Variants in SH2D4A observed in about 807,000 individuals in gnomAD.
The protein encoded by SH2D4A is SH2 domain-containing protein 4A.
A neutral mutation model predicts 64.7 loss-of-function variants in SH2D4A; 70 were observed. The ratio of observed to expected loss-of-function variants is 1.08; its 90% CI spans 0.89 to 1.32. The LOEUF (loss-of-function observed/expected upper bound fraction) is 1.32, where lower values mean the gene tolerates loss of function less well. Among genes scored for constraint, SH2D4A ranks in the 40% most tolerant of loss-of-function variants. The probability of loss-of-function intolerance (pLI) is 0.00; values close to 1 mark genes in which losing one functional copy is unlikely to be tolerated. For missense variants in SH2D4A, 706 were observed against 540.1 expected (o/e 1.31, Z -3.04); for synonymous variants, 268 against 200.7 (o/e 1.34, Z -2.83).
rs1177891326 is a variant in SH2D4A, at chr8:19,393,664, C to T, written c.1272+123C>T. 13 of 855,226 alleles carry T rather than the reference C, an allele frequency of 1.5e-5. No homozygotes were observed. The East Asian group carries it at 3.5e-4, about 23-fold the overall frequency. 53.0% of individuals were successfully genotyped at this position (855,226 alleles called of 1,614,324 possible). On this transcript the variant is annotated intron_variant, in intron 9 of 9. Coordinates refer to ENST00000265807, the MANE Select transcript of SH2D4A (RefSeq NM_022071.4). The stretch of plus-strand genomic sequence containing the variant: ...ACTGGGGAGGGGACAGGGGTGGGGG[C>T]TTGTCTTTGATAATTCTTCCTGATA...
chr8:19,318,841 G>A (rs2052134109), intron 1 of SH2D4A, among the ~76,000 whole-genome samples: 2 of 152,152 alleles, frequency 1.3e-5, no homozygotes, highest in South Asian at 4.1e-4. Flanking sequence ...TGGTGGTCTA[G>A]TTTTTATTTC....
intron 1 of SH2D4A, 28 bp downstream of exon 1, chr8:19,313,851 T>G: frequency 2.7e-6 from 4 of 1,457,770 alleles, no homozygotes; most frequent in Non-Finnish European, 2.7e-6. Flanking sequence ...GGCGAGGCTT[T>G]GGGGAGAGTG....
chr8:19,336,437 G>T (rs889254492), intron 4 of SH2D4A, among the ~76,000 whole-genome samples: 2 of 151,962 alleles, frequency 1.3e-5, no homozygotes, highest in East Asian at 1.9e-4. Flanking sequence ...GAGGCCTCCC[G>T]TCCTCCCCAG....
intron 4 of SH2D4A, among the ~76,000 whole-genome samples, chr8:19,339,267 C>T (rs2052489830): frequency 6.6e-6 from 1 of 152,138 alleles, no homozygotes. Flanking sequence ...TGGTGCCCAC[C>T]CAGATTGAGG....
At chr8:19,394,142 G>T (rs1413880511) in intron 9 of SH2D4A, among the ~76,000 whole-genome samples, 64 of 152,136 alleles carry the variant, frequency 4.2e-4, no homozygotes, top group Non-Finnish European at 1.3e-4. Flanking sequence ...AATAAGGTTT[G>T]TGTTCCTATG....
At chr8:19,371,863 G>C (rs1034811467) in intron 7 of SH2D4A, among the ~76,000 whole-genome samples, 2 of 151,600 alleles carry the variant, frequency 1.3e-5, no homozygotes, top group Non-Finnish European at 2.9e-5. Flanking sequence ...TGCATTTTTC[G>C]GCTCCAGGAT....
intron 7 of SH2D4A, among the ~76,000 whole-genome samples, chr8:19,370,806 T>G (rs570705466): frequency 3.2e-4 from 48 of 152,248 alleles, no homozygotes; most frequent in African/African-American, 1.2e-3. Context: ...TGTAGATCCT[T>G]TCTTCTCTTA....
chr8:19,351,373 G>GAT (rs2052701638), intron 4 of SH2D4A, among the ~76,000 whole-genome samples: 1 of 152,150 alleles, frequency 6.6e-6, no homozygotes, highest in Non-Finnish European at 1.5e-5. Context: ...GGAGGCCGAG[G>GAT]CGGGTGGATC....
At chr8:19,354,919 C>T (rs914477082) in intron 4 of SH2D4A, among the ~76,000 whole-genome samples, 16 of 152,294 alleles carry the variant, frequency 1.1e-4, no homozygotes, top group East Asian at 5.8e-4. Flanking sequence ...AAATGTGCTG[C>T]GGACAAAACC....
rs546026183 is a variant in SH2D4A, at chr8:19,394,657, G to C, written c.*15G>C. Reference sequence around the variant, plus strand: ...TGTTTGAGTGACAGCCTCCATCAGGGTCATCCTACAGCCTCCAAGCGGGCT... The same window carrying C: ...TGTTTGAGTGACAGCCTCCATCAGGCTCATCCTACAGCCTCCAAGCGGGCT... On this transcript the variant is annotated 3_prime_UTR_variant, in exon 10 of 10. Coordinates refer to ENST00000265807, the MANE Select transcript of SH2D4A (RefSeq NM_022071.4). The C allele has an allele frequency of 3.1e-6, 5 of 1,592,700 alleles. No individual in the cohort carries two copies. Among genetic ancestry groups the C allele is most frequent in the Non-Finnish European group, 4.3e-6 (5 of 1,166,502 alleles).
At chr8:19,394,079 A>C (rs986337832) in intron 9 of SH2D4A, among the ~76,000 whole-genome samples, 1 of 152,198 alleles carries the variant, frequency 6.6e-6, no homozygotes, top group Admixed American at 6.5e-5. Flanking sequence ...ATCATCAGGC[A>C]TTAGATTTTC....
intron 3 of SH2D4A, among the ~76,000 whole-genome samples, chr8:19,334,004 T>C (rs1456041887): frequency 6.6e-6 from 1 of 152,170 alleles, no homozygotes; most frequent in Non-Finnish European, 1.5e-5. Context: ...GTGAGGTTTT[T>C]CAATAGGGAA....
At chr8:19,329,995 A>G (rs2052345107) in intron 2 of SH2D4A, among the ~76,000 whole-genome samples, 1 of 152,220 alleles carries the variant, frequency 6.6e-6, no homozygotes, top group South Asian at 2.1e-4. Flanking sequence ...ATGAAAATTC[A>G]TTAAATGCAT....
At chr8:19,350,867 C>G (rs1034913384) in intron 4 of SH2D4A, among the ~76,000 whole-genome samples, 3 of 152,174 alleles carry the variant, frequency 2.0e-5, no homozygotes, top group African/African-American at 7.2e-5. Flanking sequence ...TCAGTAGTCT[C>G]TGTGCGTGGA....
chr8:19,368,789 T>C (rs537289870), intron 7 of SH2D4A, among the ~76,000 whole-genome samples: 94 of 152,262 alleles, frequency 6.2e-4, no homozygotes, highest in Non-Finnish European at 1.1e-3. Context: ...AACAGACAAT[T>C]TGAGTTCCTC....
intron 8 of SH2D4A, among the ~76,000 whole-genome samples, chr8:19,391,252 C>T (rs2053487782): frequency 6.6e-6 from 1 of 152,086 alleles, no homozygotes; most frequent in Admixed American, 6.6e-5. Flanking sequence ...ACCAGGTATG[C>T]TTAGGAAGGG....
intron 4 of SH2D4A, among the ~76,000 whole-genome samples, chr8:19,335,677 T>C (rs2052434674): frequency 6.6e-6 from 1 of 152,222 alleles, no homozygotes; most frequent in Non-Finnish European, 1.5e-5. Flanking sequence ...AGTCTTAGCC[T>C]TTTTGTTGCG....
Position 19,333,122 on chromosome 8 carries a change from A to G in SH2D4A, c.341+8A>G, listed in dbSNP as rs747983970. ...GGAGGCAGAAGAGCCCAGGTATGAGATCTGCAAACCAACCAGAGACTTAAA... is the reference window on the plus strand; with the variant it reads ...GGAGGCAGAAGAGCCCAGGTATGAGGTCTGCAAACCAACCAGAGACTTAAA... On this transcript the variant is annotated splice_region_variant and intron_variant, in intron 3 of 9. Transcript: ENST00000265807. 1.2e-6 allele frequency: 2 copies of G among 1,603,178 alleles called. No individual in the cohort carries two copies. The highest frequency in any genetic ancestry group is 1.1e-5 in the South Asian group (1 of 88,462).
intron 3 of SH2D4A, among the ~76,000 whole-genome samples, chr8:19,333,496 G>A (rs193093642): frequency 1.3e-5 from 2 of 152,208 alleles, no homozygotes; most frequent in African/African-American, 4.8e-5. Flanking sequence ...GGCCGACGCA[G>A]CTGAGTATCA....
Sources: allele counts gnomAD v4.1 joint callset (sites outside exome capture counted in the v4.1 genomes callset), GRCh38; gene constraint gnomAD v4.1.1; transcripts MANE v1.5; gene names NCBI Gene and HGNC (gene_info 2026-07-23, HGNC 2026-07-21).